Variants in MC2R observed in about 807,000 individuals in gnomAD.
MC2R encodes adrenocorticotropic hormone receptor.
In MC2R, 9 loss-of-function variants were observed where a neutral mutation model predicts 9.8. That is an observed-to-expected ratio of 0.92 (90% CI 0.55 to 1.60). The LOEUF (loss-of-function observed/expected upper bound fraction) is 1.60, where lower values mean the gene tolerates loss of function less well. Among genes scored for constraint, MC2R ranks in the 40% most tolerant of loss-of-function variants. MC2R has a pLI of 0.00. For synonymous variants in MC2R, 185 were observed against 154.7 expected (o/e 1.20, Z -1.45); for missense variants, 370 against 389.0 (o/e 0.95, Z 0.41).
intron 1 of MC2R, among the ~76,000 whole-genome samples, chr18:13,904,380 C>CAAA (rs56308792): frequency 0.02 from 1,913 of 94,934 alleles, 57 homozygotes; most frequent in African/African-American, 0.065. Context: ...GACCCCGTCT[C>CAAA]AAAAAAAAAA....
rs2149134761 is a variant in MC2R at position 13,884,571 on chromosome 18, T to C, written c.*54A>G. ...GGCATTTGTTGGAATGTTACACTAT[T>C]CTGGCACTTGGCAACGTTATTCCCA... On this transcript the variant is annotated 3_prime_UTR_variant, in exon 2 of 2. Transcript: ENST00000327606. 6.3e-7 allele frequency: 1 copy of C among 1,585,328 alleles called. No homozygotes were observed. The highest frequency in any genetic ancestry group is 2.2e-5 in the East Asian group (1 of 44,746).
chr18:13,913,093 A>C, intron 1 of MC2R, among the ~76,000 whole-genome samples: 2 of 152,170 alleles, frequency 1.3e-5, no homozygotes, highest in African/African-American at 2.4e-5. Flanking sequence ...ATGAATGACA[A>C]TGTGATCACA....
At chr18:13,893,196 C>T (rs117767439) in intron 1 of MC2R, among the ~76,000 whole-genome samples, 42 of 152,236 alleles carry the variant, frequency 2.8e-4, no homozygotes, top group African/African-American at 3.4e-4. Flanking sequence ...GAATTCTGAA[C>T]GACATCCGGA....
chr18:13,885,608 A>G lies in MC2R; in HGVS notation c.-90T>C, dbSNP rs35534963. ...TTCTTCAGGATCTTTTCTTCCTTGT[A>G]GCACTTGCTGGAGATCTAAGTTAAA... On this transcript the variant is annotated 5_prime_UTR_variant, in exon 2 of 2. Transcript: ENST00000327606. 1,646 of 1,424,988 alleles carry G rather than the reference A, an allele frequency of 1.2e-3. 13 individuals are homozygous for G. The African/African-American group carries it at 0.021, about 19-fold the overall frequency. The allele number at this position is 1,424,988 out of a possible 1,614,324, so 88.3% of individuals were successfully genotyped here. A position where few individuals can be genotyped will look rare whatever the true frequency, so the allele number is the denominator to read the frequency against.
chr18:13,912,475 C>T (rs76601168), intron 1 of MC2R, among the ~76,000 whole-genome samples: 6,771 of 152,068 alleles, frequency 0.045, 335 homozygotes, highest in East Asian at 0.18. Context: ...GTAGGAGGAC[C>T]GGGTCAGGTT....
rs142527936 is a variant in MC2R at position 13,884,154 on chromosome 18, G to T, written c.*471C>A. 10 of 225,918 alleles carry T rather than the reference G, an allele frequency of 4.4e-5. No individual in the cohort carries two copies. The highest frequency in any genetic ancestry group is 3.2e-4 in the East Asian group (3 of 9,444). The allele number at this position is 225,918 out of a possible 1,614,324, so 14.0% of individuals were successfully genotyped here. ...GACCCTACATCTTCTGCCTGGAGTC[G>T]CATGTCCAGGTACTTAACTTCTGGA... is the stretch of plus-strand genomic sequence containing the variant. On this transcript the variant is annotated 3_prime_UTR_variant, in exon 2 of 2. Transcript: ENST00000327606.
chr18:13,913,893 T>C (rs2045461164), intron 1 of MC2R, among the ~76,000 whole-genome samples: 1 of 152,176 alleles, frequency 6.6e-6, no homozygotes, highest in South Asian at 2.1e-4. Context: ...GCCCTGACCA[T>C]GTCTGAGGCT....
At position 13,883,063 on chromosome 18, in the gene MC2R, T is replaced by A. The variant is rs566854268; in HGVS notation, c.*1562A>T. On this transcript the variant is annotated 3_prime_UTR_variant, in exon 2 of 2. Coordinates refer to ENST00000327606, the MANE Select transcript of MC2R (RefSeq NM_000529.2). The stretch of plus-strand genomic sequence containing the variant: ...CTTCTGAAGTTCCTGTCCCTGCCAC[T>A]TCTAATATCAAACCCATCACCAAAT... 6.6e-6 allele frequency: 1 copy of A among 152,414 alleles called. No individual in the cohort carries two copies. The highest frequency in any genetic ancestry group is 1.9e-4 in the East Asian group (1 of 5,172). The allele number at this position is 152,414 out of a possible 1,614,324, so 9.4% of individuals were successfully genotyped here. A position where few individuals can be genotyped will look rare whatever the true frequency, so the allele number is the denominator to read the frequency against.
In MC2R at chr18:13,884,826, G is replaced by A; in HGVS notation, c.693C>T (p.Cys231=). ...LTILLGVFIF[C]WAPFVLHVLL... The stretch of plus-strand genomic sequence containing the variant: ...GGACATGAAGCACAAAGGGGGCCCA[G>A]CAGAAGATGAAGACCCCGAGCAGGA... The change falls in exon 2 of 2, where the codon TGC becomes TGT. Residue 231 remains cysteine, a synonymous_variant. Coordinates refer to ENST00000327606, the MANE Select transcript of MC2R (RefSeq NM_000529.2). 6.2e-7 allele frequency: 1 copy of A among 1,614,034 alleles called. No individual in the cohort carries two copies. The highest frequency in any genetic ancestry group is 8.5e-7 in the Non-Finnish European group (1 of 1,180,012).
At chr18:13,893,400 G>A (rs1345417246) in intron 1 of MC2R, among the ~76,000 whole-genome samples, 1 of 152,186 alleles carries the variant, frequency 6.6e-6, no homozygotes, top group Non-Finnish European at 1.5e-5. Context: ...CTGCTTTGAA[G>A]CTGGTTGATG....
chr18:13,890,788 C>T (rs1042212390), intron 1 of MC2R, among the ~76,000 whole-genome samples: 1 of 152,186 alleles, frequency 6.6e-6, no homozygotes, highest in African/African-American at 2.4e-5. Context: ...CTTCAGAAGT[C>T]CGGTCTCCTT....
At position 13,885,136 on chromosome 18, in the gene MC2R, C is replaced by T. The variant is rs548046612; in HGVS notation, c.383G>A (p.Arg128His). The T allele has an allele frequency of 2.2e-5, 35 of 1,614,068 alleles. No individual in the cohort carries two copies. Among genetic ancestry groups the T allele is most frequent in the Admixed American group, 3.3e-5 (2 of 60,016 alleles). ...IFSLSVIAAD[R>H]YITIFHALRY... Reference sequence around the variant, plus strand: ...CAGTGCGTGGAAGATGGTGATGTAGCGGTCCGCAGCAATCACAGACAGGCT... The same window carrying T: ...CAGTGCGTGGAAGATGGTGATGTAGTGGTCCGCAGCAATCACAGACAGGCT... Residue 128 changes from arginine to histidine, a missense_variant, in exon 2 of 2, where the codon CGC becomes CAC. By Grantham distance (29) the Arg-to-His change is conservative (BLOSUM62 0). Transcript: ENST00000327606.
intron 1 of MC2R, among the ~76,000 whole-genome samples, chr18:13,908,716 G>A (rs1240445126): frequency 6.4e-5 from 9 of 141,474 alleles, no homozygotes; most frequent in Non-Finnish European, 1.0e-4. Context: ...TTGTGTGTGT[G>A]TGTGTGTGTG....
intron 1 of MC2R, among the ~76,000 whole-genome samples, chr18:13,898,829 C>T (rs1009781566): frequency 7.9e-5 from 12 of 152,134 alleles, no homozygotes; most frequent in Non-Finnish European, 1.8e-4. Context: ...TGGAGTGCCC[C>T]CTAAAGCAGG....
intron 1 of MC2R, among the ~76,000 whole-genome samples, chr18:13,890,326 T>C (rs1000337555): frequency 9.9e-5 from 15 of 152,214 alleles, no homozygotes; most frequent in Non-Finnish European, 2.2e-4. Context: ...CTGTGCCGCT[T>C]TCCTCTGCGC....
At chr18:13,899,321 A>G (rs184151380) in intron 1 of MC2R, among the ~76,000 whole-genome samples, 1 of 152,188 alleles carries the variant, frequency 6.6e-6, no homozygotes, top group Admixed American at 6.5e-5. Context: ...GTCAGAAGAG[A>G]CAAAAGAAAA....
rs542583471 is a variant in MC2R at position 13,897,151 on chromosome 18, A to AC, written c.-128-11506dup. Among the ~76,000 whole-genome samples, 48 of 151,794 alleles carry AC rather than the reference A, an allele frequency of 3.2e-4. 1 individual carries two copies. The East Asian group carries it at 6.8e-3, about 21-fold the overall frequency. ...AAAACAGTCTCAAATTGCAGACACC[A>AC]CCCCCCCAAACCCCCCAGTGGTAGC... On this transcript the variant is annotated intron_variant, in intron 1 of 1. Coordinates refer to ENST00000327606, the MANE Select transcript of MC2R (RefSeq NM_000529.2).
In MC2R at chr18:13,884,817, G is replaced by A; in HGVS notation, c.702C>T (p.Pro234=). 1.9e-6 allele frequency: 3 copies of A among 1,614,022 alleles called. No individual in the cohort carries two copies. The highest frequency in any genetic ancestry group is 2.5e-6 in the Non-Finnish European group (3 of 1,180,008). The part of the protein sequence containing the change: ...LLGVFIFCWA[P]FVLHVLLMTF... ...TCATCAAGAGGACATGAAGCACAAA[G>A]GGGGCCCAGCAGAAGATGAAGACCC... The change falls in exon 2 of 2, where the codon CCC becomes CCT. Residue 234 remains proline (P), a synonymous_variant. Coordinates refer to ENST00000327606, the MANE Select transcript of MC2R (RefSeq NM_000529.2).
intron 1 of MC2R, among the ~76,000 whole-genome samples, chr18:13,890,129 TA>T (rs1333925267): frequency 6.6e-6 from 1 of 152,244 alleles, no homozygotes; most frequent in Non-Finnish European, 1.5e-5. Context: ...TTCTGTTCTC[TA>T]AATTTCATTT....
Sources: allele counts gnomAD v4.1 joint callset (sites outside exome capture counted in the v4.1 genomes callset), GRCh38; gene constraint gnomAD v4.1.1; transcripts MANE v1.5; gene names NCBI Gene and HGNC (gene_info 2026-07-23, HGNC 2026-07-21).